USP53: variants seen among roughly 807,000 people sequenced by gnomAD.
USP53 encodes ubiquitin carboxyl-terminal hydrolase 53.
Under a neutral mutation model 94.9 loss-of-function variants are expected in USP53, and 71 were observed. That is an observed-to-expected ratio of 0.75 (90% CI 0.62 to 0.91). The LOEUF (loss-of-function observed/expected upper bound fraction) is 0.91, where lower values mean the gene tolerates loss of function less well. Among genes scored for constraint, USP53 ranks in the 40% least tolerant of loss-of-function variants. The probability of loss-of-function intolerance (pLI) is 0.00; values close to 1 mark genes in which losing one functional copy is unlikely to be tolerated. For synonymous variants in USP53, 375 were observed against 422.7 expected (o/e 0.89, Z 1.39); for missense variants, 1,173 against 1,281.0 (o/e 0.92, Z 1.29).
chr4:119,286,744 A>G (rs1754158194), intron 17 of USP53, among the ~76,000 whole-genome samples: 1 of 152,082 alleles, frequency 6.6e-6, no homozygotes, highest in South Asian at 2.1e-4. Context: ...CACACTGGGT[A>G]GCAAATTACA....
chr4:119,227,447 G>A (rs1745447042), intron 3 of USP53, among the ~76,000 whole-genome samples: 1 of 152,070 alleles, frequency 6.6e-6, no homozygotes, highest in East Asian at 1.9e-4. Context: ...TGGCTAACTG[G>A]GTGAAACCCC....
chr4:119,255,212 G>A (rs1027615862), intron 7 of USP53, among the ~76,000 whole-genome samples: 3 of 152,180 alleles, frequency 2.0e-5, no homozygotes, highest in Non-Finnish European at 4.4e-5. Context: ...CAGTCTGTTC[G>A]TTATCGGAGC....
At chr4:119,250,132 C>T (rs1240831259) in intron 7 of USP53, among the ~76,000 whole-genome samples, 1 of 152,100 alleles carries the variant, frequency 6.6e-6, no homozygotes, top group Non-Finnish European at 1.5e-5. Context: ...ATTTTTCTTC[C>T]TAGTGAGATT....
intron 17 of USP53, among the ~76,000 whole-genome samples, chr4:119,287,753 A>G (rs1754280310): frequency 6.6e-6 from 1 of 152,218 alleles, no homozygotes; most frequent in South Asian, 2.1e-4. Flanking sequence ...GGGCATCAGC[A>G]TGTTATTTGA....
At chr4:119,234,357 T>A (rs565830811) in intron 3 of USP53, among the ~76,000 whole-genome samples, 2 of 152,206 alleles carry the variant, frequency 1.3e-5, no homozygotes, top group Non-Finnish European at 1.5e-5. Context: ...TTTATTAGAC[T>A]GCTTTTTGCT....
rs3138727 is a variant in USP53, at chr4:119,227,256, T to TACACACACACACACACACACACACACAC, written c.-664-8018_-664-7991dup. On this transcript the variant is annotated intron_variant, in intron 3 of 18. Transcript: ENST00000692078. ...ATTAATCCAAAGCCTTGTCTAACAC[T>TACACACACACACACACACACACACACAC]ACACACACACACACACACACACACA... Among the ~76,000 whole-genome samples, 578 of 125,090 alleles carry TACACACACACACACACACACACACACAC rather than the reference T, an allele frequency of 4.6e-3. 28 individuals are homozygous for TACACACACACACACACACACACACACAC. Among genetic ancestry groups the TACACACACACACACACACACACACACAC allele is most frequent in the Middle Eastern group, 8.4e-3 (2 of 238 alleles). The allele number at this position is 125,090 out of a possible 152,430, so 82.1% of individuals were successfully genotyped here. A position where few individuals can be genotyped will look rare whatever the true frequency, so the allele number is the denominator to read the frequency against.
chr4:119,291,249 AT>A lies in USP53; in HGVS notation c.2339del (p.Leu780Ter), dbSNP rs766763302. ...HPESHLQIKNHLIKRSHVHED... is the reference protein window; with the variant it reads ...HPESHLQIKNXLIKRSHVHED... ...GAATCACATTTACAAATAAAAAATC[AT>A]TTGATAAAAAGGTAACCATATTTTT... is the stretch of plus-strand genomic sequence containing the variant. On this transcript the variant is annotated frameshift_variant, in exon 18 of 19. Coordinates refer to ENST00000692078, the MANE Select transcript of USP53 (RefSeq NM_001371395.1). LOFTEE classifies it low-confidence loss of function (END_TRUNC). 1 of 1,583,168 alleles carries A rather than the reference AT, an allele frequency of 6.3e-7. No individual in the cohort carries two copies. The highest frequency in any genetic ancestry group is 1.8e-5 in the Admixed American group (1 of 55,170).
intron 3 of USP53, among the ~76,000 whole-genome samples, chr4:119,228,050 A>G (rs78114727): frequency 0.037 from 5,620 of 152,280 alleles, 125 homozygotes; most frequent in South Asian, 0.074. Context: ...CTATGTAACA[A>G]ATTACCACAA....
At chr4:119,232,601 C>A (rs1333362572) in intron 3 of USP53, among the ~76,000 whole-genome samples, 1 of 152,100 alleles carries the variant, frequency 6.6e-6, no homozygotes, top group Non-Finnish European at 1.5e-5. Context: ...GCTCTGTTAG[C>A]TATTTTCTTC....
In USP53 at chr4:119,271,974, T is replaced by A. The variant is rs770852142; in HGVS notation, c.2114T>A (p.Val705Asp). 27 of 1,613,414 alleles carry A rather than the reference T, an allele frequency of 1.7e-5. No individual in the cohort carries two copies. The South Asian group carries it at 2.3e-4, about 14-fold the overall frequency. The change falls in exon 16 of 19, where the codon GTT (valine) becomes GAT (aspartate). Residue 705 changes from valine (V) to aspartate (D), a missense_variant. Physicochemically the swap from Val to Asp is radical, Grantham distance 152. Coordinates refer to ENST00000692078, the MANE Select transcript of USP53 (RefSeq NM_001371395.1). ...SNGSTNLDSPVIDGNGTVMDI... is the reference protein window; with the variant it reads ...SNGSTNLDSPDIDGNGTVMDI... ...GGTTCTACTAATTTGGACTCACCTG[T>A]TATCGATGGAAATGGTACAGTAATG...
chr4:119,214,888 T>C lies in USP53; in HGVS notation c.-789+666T>C, dbSNP rs868710646. 3.9e-5 allele frequency among the ~76,000 whole-genome samples: 6 copies of C among 152,136 alleles called. No individual in the cohort carries two copies. The South Asian group carries it at 8.3e-4, about 21-fold the overall frequency. On this transcript the variant is annotated intron_variant, in intron 2 of 18. Transcript: ENST00000692078. Reference sequence around the variant, plus strand: ...TTTGGAACTCTCTTACTTACTGGGGTAGGAGGGGGTACATTGCTTTACCCT... The same window carrying C: ...TTTGGAACTCTCTTACTTACTGGGGCAGGAGGGGGTACATTGCTTTACCCT...
rs1751428718 is a variant in USP53, at chr4:119,268,256, T to C, written c.1136-12T>C. 9 of 1,592,764 alleles carry C rather than the reference T, an allele frequency of 5.7e-6. No homozygotes were observed. Among genetic ancestry groups the C allele is most frequent in the Non-Finnish European group, 7.7e-6 (9 of 1,171,672 alleles). On this transcript the variant is annotated splice_polypyrimidine_tract_variant and intron_variant, in intron 13 of 18. Coordinates refer to ENST00000692078, the MANE Select transcript of USP53 (RefSeq NM_001371395.1). ...AGGAAAGGAATGATACATTTTTGCT[T>C]CTCTTTTTAAGGATGTGAAAAGCCT...
intron 5 of USP53, among the ~76,000 whole-genome samples, chr4:119,240,202 C>T (rs769745692): frequency 3.5e-4 from 54 of 152,148 alleles, no homozygotes; most frequent in Non-Finnish European, 4.0e-4. Context: ...TTTTAATCAG[C>T]TAACACCCCT....
Position 119,295,025 on chromosome 4 carries a change from T to C in USP53, c.*1814T>C, listed in dbSNP as rs1755125207. On this transcript the variant is annotated 3_prime_UTR_variant, in exon 19 of 19. Coordinates refer to ENST00000692078, the MANE Select transcript of USP53 (RefSeq NM_001371395.1). ...ATGGGCTTCAAGTTTTTTAATAGCT[T>C]TCACAGTTTGTGTAGTTTTTTTTTT... 1 of 152,118 alleles carries C rather than the reference T, an allele frequency of 6.6e-6. No individual in the cohort carries two copies. Among genetic ancestry groups the C allele is most frequent in the Non-Finnish European group, 1.5e-5 (1 of 67,978 alleles). The allele number at this position is 152,118 out of a possible 1,614,324, so 9.4% of individuals were successfully genotyped here. A position where few individuals can be genotyped will look rare whatever the true frequency, so the allele number is the denominator to read the frequency against.
chr4:119,256,951 G>A (rs10009609), intron 9 of USP53, among the ~76,000 whole-genome samples: 3,202 of 152,166 alleles, frequency 0.021, 115 homozygotes, highest in African/African-American at 0.072. Flanking sequence ...AAATGTGAGC[G>A]TAATTCTCAG....
intron 17 of USP53, among the ~76,000 whole-genome samples, chr4:119,280,328 C>A (rs1753367830): frequency 6.6e-6 from 1 of 151,938 alleles, no homozygotes; most frequent in African/African-American, 2.4e-5. Context: ...ATTTGAGACC[C>A]AGATAGGCAG....
At chr4:119,267,041 GT>G (rs1751217363) in intron 12 of USP53, among the ~76,000 whole-genome samples, 1 of 152,058 alleles carries the variant, frequency 6.6e-6, no homozygotes, top group African/African-American at 2.4e-5. Context: ...TGAAGTCTTT[GT>G]CAAATGTCAG....
intron 17 of USP53, among the ~76,000 whole-genome samples, chr4:119,278,533 A>C (rs1270841804): frequency 7.2e-6 from 1 of 139,436 alleles, no homozygotes; most frequent in Non-Finnish European, 1.6e-5. Context: ...TGCCCTTAAC[A>C]TTTTTTCCTT....
chr4:119,279,128 G>C (rs1398383875), intron 17 of USP53, among the ~76,000 whole-genome samples: 1 of 148,798 alleles, frequency 6.7e-6, no homozygotes, highest in Non-Finnish European at 1.5e-5. Context: ...ATCCAGCTTT[G>C]TTCTGTTGCT....
Sources: gnomAD v4.1 joint callset for allele counts (sites outside exome capture counted in the v4.1 genomes callset) on GRCh38, gnomAD v4.1.1 for gene constraint, MANE v1.5 for transcripts, NCBI Gene and HGNC (gene_info 2026-07-23, HGNC 2026-07-21) for gene names.